Variants in ADARB2 observed in about 807,000 individuals in gnomAD.
The protein encoded by ADARB2 is adenosine deaminase RNA specific B2 (inactive).
ADARB2 carries 25 observed loss-of-function variants against 62.2 expected under a neutral mutation model. The observed-to-expected ratio is 0.40, with a 90% CI of 0.29 to 0.56. ADARB2 has a LOEUF of 0.56. Among genes scored for constraint, ADARB2 ranks in the 20% least tolerant of loss-of-function variants. The pLI is 0.43. For missense variants in ADARB2, 1,071 were observed against 1,077.4 expected (o/e 0.99, Z 0.08); for synonymous variants, 572 against 500.8 (o/e 1.14, Z -1.90).
intron 1 of ADARB2, among the ~76,000 whole-genome samples, chr10:1,643,029 T>C (rs1833998350): frequency 1.3e-5 from 2 of 152,176 alleles, no homozygotes; most frequent in African/African-American, 4.8e-5. Flanking sequence ...TTTATTCAGG[T>C]AATGCAACTA....
At chr10:1,590,833 C>G (rs1015689865) in intron 1 of ADARB2, among the ~76,000 whole-genome samples, 1 of 152,050 alleles carries the variant, frequency 6.6e-6, no homozygotes. Context: ...ATGCTCAGCA[C>G]GGGAAACGCA....
At chr10:1,360,761 C>A (rs539413681) in intron 3 of ADARB2, among the ~76,000 whole-genome samples, 3 of 152,152 alleles carry the variant, frequency 2.0e-5, no homozygotes, top group Non-Finnish European at 4.4e-5. Flanking sequence ...GTCATCCAGT[C>A]GGGGTGGTTA....
intron 1 of ADARB2, among the ~76,000 whole-genome samples, chr10:1,669,477 GAC>G (rs150072375): frequency 1.4e-5 from 2 of 146,846 alleles, no homozygotes; most frequent in South Asian, 2.2e-4. Context: ...CACAGACACA[GAC>G]ACACACACAC....
chr10:1,574,831 G>A (rs2676784), intron 1 of ADARB2, among the ~76,000 whole-genome samples: 4,711 of 152,248 alleles, frequency 0.031, 232 homozygotes, highest in African/African-American at 0.11. Context: ...CCTGGAAGAG[G>A]CAGCTATTTC....
chr10:1,323,991 C>T (rs1350789760), intron 3 of ADARB2, among the ~76,000 whole-genome samples: 1 of 152,208 alleles, frequency 6.6e-6, no homozygotes, highest in Non-Finnish European at 1.5e-5. Context: ...GAAATATCTG[C>T]AACTCACTTG....
intron 3 of ADARB2, among the ~76,000 whole-genome samples, chr10:1,330,267 G>T (rs1252744957): frequency 6.6e-6 from 1 of 152,098 alleles, no homozygotes; most frequent in Non-Finnish European, 1.5e-5. Context: ...GCTGGCCATG[G>T]TCATGGCCTC....
intron 1 of ADARB2, among the ~76,000 whole-genome samples, chr10:1,475,538 G>A (rs1831388705): frequency 2.0e-5 from 3 of 152,194 alleles, no homozygotes; most frequent in African/African-American, 7.2e-5. Flanking sequence ...AATACCCTCA[G>A]GATTGCCCCA....
At chr10:1,258,992 A>C (rs1246278451) in intron 4 of ADARB2, among the ~76,000 whole-genome samples, 3 of 152,220 alleles carry the variant, frequency 2.0e-5, no homozygotes, top group African/African-American at 7.2e-5. Flanking sequence ...AGGATTAAGA[A>C]ACTCAGTCAA....
At chr10:1,448,743 G>A (rs1831000420) in intron 1 of ADARB2, among the ~76,000 whole-genome samples, 1 of 152,130 alleles carries the variant, frequency 6.6e-6, no homozygotes, top group Non-Finnish European at 1.5e-5. Flanking sequence ...ATATGGCCTT[G>A]GAAAGGAAAC....
chr10:1,659,216 A>C (rs932339119), intron 1 of ADARB2, among the ~76,000 whole-genome samples: 1 of 152,232 alleles, frequency 6.6e-6, no homozygotes, highest in African/African-American at 2.4e-5. Flanking sequence ...TACCAAATTG[A>C]AAAATAGATT....
chr10:1,189,607 G>A (rs890874953), intron 8 of ADARB2, among the ~76,000 whole-genome samples: 3 of 151,978 alleles, frequency 2.0e-5, no homozygotes, highest in South Asian at 2.1e-4. Context: ...GACGGAACTC[G>A]AGTCCCAAGG....
At chr10:1,711,114 G>A (rs1289990058) in intron 1 of ADARB2, among the ~76,000 whole-genome samples, 1 of 152,154 alleles carries the variant, frequency 6.6e-6, no homozygotes, top group Non-Finnish European at 1.5e-5. Flanking sequence ...AGGGACACGG[G>A]TACCTAACCT....
At chr10:1,331,782 A>G (rs1831930114) in intron 3 of ADARB2, among the ~76,000 whole-genome samples, 1 of 152,234 alleles carries the variant, frequency 6.6e-6, no homozygotes, top group Non-Finnish European at 1.5e-5. Context: ...AAGTATCAGT[A>G]AAAGTTCTAG....
rs77375609 is a variant in ADARB2 at position 1,620,243 on chromosome 10, C to T, written c.100+116808G>A. Among the ~76,000 whole-genome samples the T allele has an allele frequency of 2.7e-3, 407 of 151,826 alleles. 1 individual carries two copies. Among genetic ancestry groups the T allele is most frequent in the African/African-American group, 8.1e-3 (335 of 41,438 alleles). On this transcript the variant is annotated intron_variant, in intron 1 of 9. Coordinates refer to ENST00000381312, the MANE Select transcript of ADARB2 (RefSeq NM_018702.4). ...AACAAATTGACATATTTAGATTGAC[C>T]GACCAGTAATAAAAGACAGAAGACA...
intron 1 of ADARB2, among the ~76,000 whole-genome samples, chr10:1,515,685 C>T (rs1046253086): frequency 2.0e-5 from 3 of 152,226 alleles, no homozygotes; most frequent in African/African-American, 7.2e-5. Flanking sequence ...TGCCCACCCA[C>T]CCCTCAGCCA....
At chr10:1,580,786 C>T (rs1354757836) in intron 1 of ADARB2, among the ~76,000 whole-genome samples, 1 of 152,196 alleles carries the variant, frequency 6.6e-6, no homozygotes, top group African/African-American at 2.4e-5. Context: ...AAGCCCTGGC[C>T]ACCACTGGTA....
chr10:1,244,101 A>G (rs11250355), intron 4 of ADARB2, among the ~76,000 whole-genome samples: 12,423 of 152,284 alleles, frequency 0.082, 593 homozygotes, highest in Middle Eastern at 0.11. Context: ...CGGGGGTCCC[A>G]GAAGTTGACG....
chr10:1,301,628 A>G (rs369864492), intron 3 of ADARB2, among the ~76,000 whole-genome samples: 8 of 152,046 alleles, frequency 5.3e-5, no homozygotes, highest in African/African-American at 1.9e-4. Context: ...AATTTGGCTG[A>G]TTAAATACTA....
intron 1 of ADARB2, among the ~76,000 whole-genome samples, chr10:1,490,297 T>G (rs1444288916): frequency 6.6e-6 from 1 of 152,212 alleles, no homozygotes; most frequent in Admixed American, 6.5e-5. Context: ...ATAGATTATA[T>G]GGAAATAATA....
Sources: allele counts gnomAD v4.1 joint callset (sites outside exome capture counted in the v4.1 genomes callset), GRCh38; gene constraint gnomAD v4.1.1; transcripts MANE v1.5; gene names NCBI Gene and HGNC (gene_info 2026-07-23, HGNC 2026-07-21).